Variants in DDIAS observed in about 807,000 individuals in gnomAD.
The protein encoded by DDIAS is DNA damage induced apoptosis suppressor.
DDIAS carries 14 observed loss-of-function variants against 15.7 expected under a neutral mutation model. That is an observed-to-expected ratio of 0.89 (90% CI 0.59 to 1.39). The LOEUF (loss-of-function observed/expected upper bound fraction) is 1.39. Ranked by LOEUF, DDIAS falls within the 40% of genes most tolerant of loss-of-function variation. DDIAS has a pLI of 0.00. For missense variants in DDIAS, 1,035 were observed against 1,130.9 expected (o/e 0.92, Z 1.22); for synonymous variants, 355 against 395.9 (o/e 0.90, Z 1.23).
Position 82,930,222 on chromosome 11 carries a change from C to T in DDIAS, c.341C>T (p.Thr114Ile). 2 of 1,605,410 alleles carry T rather than the reference C, an allele frequency of 1.2e-6. No homozygotes were observed. Among genetic ancestry groups the T allele is most frequent in the South Asian group, 2.2e-5 (2 of 90,076 alleles). Residue 114 changes from threonine (T) to isoleucine (I), a missense_variant, in exon 5 of 6, where the codon ACT becomes ATT. Physicochemically the swap from Thr to Ile is moderately conservative, Grantham distance 89. Coordinates refer to ENST00000533655, the MANE Select transcript of DDIAS (RefSeq NM_145018.4). ...AATGATACAACTCAGAATCTATTAA[C>T]TAAAGCAGTTGAAACTTGCTTTGTT... is the stretch of plus-strand genomic sequence containing the variant. ...LDNDTTQNLL[T>I]KAVETCFVGQ...
At position 82,903,810 on chromosome 11, in the gene DDIAS, G is replaced by A. The variant is rs55975756; in HGVS notation, c.-117+1988G>A. The stretch of plus-strand genomic sequence containing the variant: ...CTGTAAAATATGAAACAGAAAATTG[G>A]AGAATTACAAGGTGACAAAGATTTT... On this transcript the variant is annotated intron_variant, in intron 1 of 5. Coordinates refer to ENST00000533655, the MANE Select transcript of DDIAS (RefSeq NM_145018.4). Among the ~76,000 whole-genome samples, 1,111 of 152,342 alleles carry A rather than the reference G, an allele frequency of 7.3e-3. 11 individuals carry two copies. The highest frequency in any genetic ancestry group is 0.026 in the African/African-American group (1,069 of 41,584).
intron 1 of DDIAS, among the ~76,000 whole-genome samples, chr11:82,910,178 T>C (rs1354735558): frequency 3.3e-5 from 5 of 152,210 alleles, no homozygotes; most frequent in African/African-American, 9.7e-5. Flanking sequence ...AATACAGCTT[T>C]ATCTCAAACA....
chr11:82,902,792 A>G (rs530476135), intron 1 of DDIAS, among the ~76,000 whole-genome samples: 2 of 152,350 alleles, frequency 1.3e-5, no homozygotes, highest in African/African-American at 4.8e-5. Flanking sequence ...CAGAGCACCA[A>G]GTAATTATTT....
In DDIAS at chr11:82,910,592, T is replaced by TTC. The variant is rs201976654; in HGVS notation, c.-116-2681_-116-2680dup. Among the ~76,000 whole-genome samples, 24 of 139,386 alleles carry TTC rather than the reference T, an allele frequency of 1.7e-4. No homozygotes were observed. The South Asian group carries it at 1.8e-3, about 10-fold the overall frequency. The allele number at this position is 139,386 out of a possible 152,430, so 91.4% of individuals were successfully genotyped here. A position where few individuals can be genotyped will look rare whatever the true frequency, so the allele number is the denominator to read the frequency against. The stretch of plus-strand genomic sequence containing the variant: ...TGCCACAGATCAAGCTTTTAATTTT[T>TTC]TCTCTCTCTCTCTCTTTTTTTTTTT... On this transcript the variant is annotated intron_variant, in intron 1 of 5. Coordinates refer to ENST00000533655, the MANE Select transcript of DDIAS (RefSeq NM_145018.4).
intron 3 of DDIAS, among the ~76,000 whole-genome samples, chr11:82,916,988 G>A (rs7106519): frequency 0.54 from 82,419 of 151,944 alleles, 23,203 homozygotes; most frequent in African/African-American, 0.7. Flanking sequence ...AGAACTTAAA[G>A]TGACCTCGGA....
intron 5 of DDIAS, among the ~76,000 whole-genome samples, chr11:82,931,042 A>G (rs538054340): frequency 5.1e-4 from 77 of 150,738 alleles, no homozygotes; most frequent in Non-Finnish European, 9.7e-4. Flanking sequence ...GATAGTTGCC[A>G]TTTATTGAGC....
rs758942773 is a variant in DDIAS, at chr11:82,933,914, C to T, written c.2576C>T (p.Thr859Ile). The T allele has an allele frequency of 2.5e-5, 40 of 1,613,370 alleles. No homozygotes were observed. The highest frequency in any genetic ancestry group is 3.2e-5 in the Non-Finnish European group (38 of 1,179,864). Residue 859 changes from threonine to isoleucine, a missense_variant, in exon 6 of 6, where the codon ACT becomes ATT. By Grantham distance (89) the Thr-to-Ile change is moderately conservative (BLOSUM62 -1). Transcript: ENST00000533655. Reference protein sequence around the residue: ...NHYPFAECHETDSDEWVPPTT... With the variant: ...NHYPFAECHEIDSDEWVPPTT... ...TACCCTTTTGCTGAGTGCCATGAAA[C>T]TGATAGTGATGAATGGGTCCCTCCT...
rs112713313 is a variant in DDIAS at position 82,914,064 on chromosome 11, G to A, written c.-16-659G>A. On this transcript the variant is annotated intron_variant, in intron 2 of 5. Transcript: ENST00000533655. ...CAATTCTCCTGCCGCAGCCTCCTGAGTAGCTGGGATTACAGGCACCCCCCA... is the reference window on the plus strand; with the variant it reads ...CAATTCTCCTGCCGCAGCCTCCTGAATAGCTGGGATTACAGGCACCCCCCA... The A allele has an allele frequency of 6.5e-3, 2,226 of 344,606 alleles. 43 individuals carry two copies. Among genetic ancestry groups the A allele is most frequent in the African/African-American group, 0.046 (2,023 of 44,320 alleles). 21.3% of individuals were successfully genotyped at this position (344,606 alleles called of 1,614,324 possible). A position where few individuals can be genotyped will look rare whatever the true frequency, so the allele number is the denominator to read the frequency against.
intron 1 of DDIAS, among the ~76,000 whole-genome samples, chr11:82,909,712 A>G (rs1860489520): frequency 6.6e-6 from 1 of 152,146 alleles, no homozygotes; most frequent in Non-Finnish European, 1.5e-5. Flanking sequence ...TGAGATTGCC[A>G]TGTAGCCTAA....
In DDIAS at chr11:82,932,109, T is replaced by A. The variant is rs376613700; in HGVS notation, c.771T>A (p.Asp257Glu). The change falls in exon 6 of 6, where the codon GAT becomes GAA. Residue 257 changes from aspartate to glutamate, a missense_variant. Asp to Glu is a conservative substitution (Grantham distance 45). Coordinates refer to ENST00000533655, the MANE Select transcript of DDIAS (RefSeq NM_145018.4). ...CIVSQLTDND[D>E]FSASEQSKAF... ...TTTCACAACTAACAGATAATGATGA[T>A]TTTTCAGCTTCAGAACAAAGTAAGG... is the stretch of plus-strand genomic sequence containing the variant. The A allele has an allele frequency of 1.1e-4, 171 of 1,614,086 alleles. No homozygotes were observed. Among genetic ancestry groups the A allele is most frequent in the Non-Finnish European group, 1.3e-4 (152 of 1,180,040 alleles).
chr11:82,922,029 G>A (rs1346225672), intron 3 of DDIAS, among the ~76,000 whole-genome samples: 1 of 152,210 alleles, frequency 6.6e-6, no homozygotes, highest in African/African-American at 2.4e-5. Flanking sequence ...GGAGGCTTAA[G>A]ATAGGGCCCT....
chr11:82,911,246 A>G (rs1178740538), intron 1 of DDIAS, among the ~76,000 whole-genome samples: 1 of 152,136 alleles, frequency 6.6e-6, no homozygotes, highest in East Asian at 1.9e-4. Flanking sequence ...TATTCCTTTC[A>G]CAAAAGATTT....
Position 82,901,773 on chromosome 11 carries a change from G to C in DDIAS, c.-166G>C, listed in dbSNP as rs1259088439. 2 of 152,184 alleles carry C rather than the reference G, an allele frequency of 1.3e-5. No homozygotes were observed. Among genetic ancestry groups the C allele is most frequent in the East Asian group, 1.9e-4 (1 of 5,174 alleles). 9.4% of individuals were successfully genotyped at this position (152,184 alleles called of 1,614,324 possible). ...GCCGGCGTGCTACTGAGTTCGGCCG[G>C]TCCGAGTCACTGTGCGTCGCCTGGG... On this transcript the variant is annotated 5_prime_UTR_variant, in exon 1 of 6. Coordinates refer to ENST00000533655, the MANE Select transcript of DDIAS (RefSeq NM_145018.4).
At position 82,933,399 on chromosome 11, in the gene DDIAS, G is replaced by A. The variant is rs757972284; in HGVS notation, c.2061G>A (p.Met687Ile). The change falls in exon 6 of 6, where the codon ATG (methionine) becomes ATA (isoleucine). Residue 687 changes from methionine to isoleucine, a missense_variant. Physicochemically the swap from Met to Ile is conservative, Grantham distance 10. Coordinates refer to ENST00000533655, the MANE Select transcript of DDIAS (RefSeq NM_145018.4). Reference protein sequence around the residue: ...ADLFDDIAKEMDIATEITKKS... With the variant: ...ADLFDDIAKEIDIATEITKKS... ...TCTTTGATGATATTGCTAAAGAAATGGACATTGCAACTGAGATTACCAAAA... is the reference window on the plus strand; with the variant it reads ...TCTTTGATGATATTGCTAAAGAAATAGACATTGCAACTGAGATTACCAAAA... 3.7e-6 allele frequency: 6 copies of A among 1,613,888 alleles called. No individual in the cohort carries two copies. In the South Asian group the frequency reaches 6.6e-5, roughly 18 times the overall value.
intron 1 of DDIAS, among the ~76,000 whole-genome samples, chr11:82,910,323 C>T (rs1860504396): frequency 6.7e-6 from 1 of 148,814 alleles, no homozygotes; most frequent in Non-Finnish European, 1.5e-5. Flanking sequence ...CTCTGTGGCC[C>T]AGGCTGGAGT....
At chr11:82,907,475 G>A (rs10898054) in intron 1 of DDIAS, among the ~76,000 whole-genome samples, 18,945 of 152,196 alleles carry the variant, frequency 0.12, 1,254 homozygotes, top group Middle Eastern at 0.19. Context: ...TCTGGTTATC[G>A]TATGGCGTCT....
chr11:82,917,333 G>C (rs1254688015), intron 3 of DDIAS, among the ~76,000 whole-genome samples: 2 of 142,610 alleles, frequency 1.4e-5, no homozygotes, highest in African/African-American at 5.3e-5. Flanking sequence ...AAAGTCCATT[G>C]TATCATTCTT....
intron 3 of DDIAS, among the ~76,000 whole-genome samples, chr11:82,926,240 C>T (rs1301610645): frequency 2.0e-5 from 3 of 151,898 alleles, no homozygotes; most frequent in Non-Finnish European, 4.4e-5. Flanking sequence ...CAGGCGCATG[C>T]CACCACGTTC....
At position 82,908,362 on chromosome 11, in the gene DDIAS, G is replaced by A. The variant is rs113739524; in HGVS notation, c.-116-4925G>A. Reference sequence around the variant, plus strand: ...GCACAGACCATTGTGAGATATTGAGGCTTCATTCTAAATAGCAGGATTTTA... The same window carrying A: ...GCACAGACCATTGTGAGATATTGAGACTTCATTCTAAATAGCAGGATTTTA... On this transcript the variant is annotated intron_variant, in intron 1 of 5. Coordinates refer to ENST00000533655, the MANE Select transcript of DDIAS (RefSeq NM_145018.4). Among the ~76,000 whole-genome samples the A allele has an allele frequency of 6.0e-3, 909 of 152,232 alleles. 5 individuals are homozygous for A. Among genetic ancestry groups the A allele is most frequent in the South Asian group, 0.031 (151 of 4,822 alleles).
Sources: gnomAD v4.1 joint callset for allele counts (sites outside exome capture counted in the v4.1 genomes callset) on GRCh38, gnomAD v4.1.1 for gene constraint, MANE v1.5 for transcripts, NCBI Gene and HGNC (gene_info 2026-07-23, HGNC 2026-07-21) for gene names.